UST: variants seen among roughly 807,000 people sequenced by gnomAD.
The protein encoded by UST is uronyl 2-sulfotransferase, also known as chondroitin sulfate 2-O-sulfotransferase.
UST carries 21 observed loss-of-function variants against 45.6 expected under a neutral mutation model. The observed-to-expected ratio is 0.46, with a 90% CI of 0.33 to 0.66. The LOEUF (loss-of-function observed/expected upper bound fraction) is 0.66, where lower values mean the gene tolerates loss of function less well. UST is among the 30% of genes least tolerant of loss of function. The probability of loss-of-function intolerance (pLI) is 0.02; values close to 1 mark genes in which losing one functional copy is unlikely to be tolerated. For synonymous variants in UST, 215 were observed against 200.6 expected, an observed-to-expected ratio of 1.07 and a Z score of -0.61; for missense variants, 463 against 512.4, an observed-to-expected ratio of 0.90 and a Z score of 0.93.
chr6:148,751,112 A>G (rs969920370), intron 1 of UST, among the ~76,000 whole-genome samples: 4 of 152,240 alleles, frequency 2.6e-5, no homozygotes, highest in African/African-American at 9.6e-5. Context: ...TTGAGCAACA[A>G]CAAAGTATTG....
chr6:148,838,354 A>C (rs1206699302), intron 1 of UST, among the ~76,000 whole-genome samples: 1 of 152,172 alleles, frequency 6.6e-6, no homozygotes, highest in East Asian at 1.9e-4. Flanking sequence ...GTCAGAGAGG[A>C]AGTGGGTCCA....
intron 1 of UST, 114 bp downstream of exon 1, chr6:148,747,791 GTC>G (rs2114636352): frequency 3.0e-6 from 4 of 1,342,530 alleles, no homozygotes; most frequent in Non-Finnish European, 3.9e-6. Context: ...GCCGCCCCGG[GTC>G]TCTCCAGGTG....
chr6:148,848,969 C>T (rs1778052289), intron 1 of UST, among the ~76,000 whole-genome samples: 1 of 152,114 alleles, frequency 6.6e-6, no homozygotes, highest in South Asian at 2.1e-4. Flanking sequence ...TGGTACAAGT[C>T]CTAGAGTCCA....
intron 1 of UST, among the ~76,000 whole-genome samples, chr6:148,812,656 G>T (rs956009483): frequency 6.6e-6 from 1 of 152,234 alleles, no homozygotes; most frequent in Non-Finnish European, 1.5e-5. Flanking sequence ...CCCCATAGGG[G>T]TGCTCATGAC....
intron 7 of UST, among the ~76,000 whole-genome samples, chr6:149,042,959 C>CTT (rs1776336997): frequency 2.8e-5 from 1 of 35,676 alleles, no homozygotes; most frequent in Non-Finnish European, 5.9e-5. Context: ...CCATCCTTTT[C>CTT]TTTCTTTCTT....
intron 7 of UST, among the ~76,000 whole-genome samples, chr6:149,063,662 C>T (rs1343821191): frequency 1.3e-5 from 2 of 152,320 alleles, no homozygotes; most frequent in East Asian, 3.9e-4. Context: ...CTGTCTGTCT[C>T]CATCTCACAG....
intron 2 of UST, among the ~76,000 whole-genome samples, chr6:148,892,025 CA>C (rs1262656878): frequency 6.6e-6 from 1 of 152,192 alleles, no homozygotes; most frequent in African/African-American, 2.4e-5. Context: ...GTTCTTTTCA[CA>C]AAATATTATT....
At chr6:148,863,379 A>G (rs974819608) in intron 1 of UST, among the ~76,000 whole-genome samples, 4 of 152,090 alleles carry the variant, frequency 2.6e-5, no homozygotes, top group African/African-American at 9.7e-5. Context: ...TATGCTGTTT[A>G]TTCTAGTTAG....
intron 7 of UST, among the ~76,000 whole-genome samples, chr6:149,033,166 A>ACCCCAGGAATTAATGTGGTGATGTG (rs1554236306): frequency 1.3e-5 from 2 of 152,120 alleles, no homozygotes; most frequent in Non-Finnish European, 2.9e-5. Context: ...GTCCCTGTCC[A>ACCCCAGGAATTAATGTGGTGATGTG]CCCCAGGAAT....
intron 1 of UST, among the ~76,000 whole-genome samples, chr6:148,874,238 T>G (rs1272233984): frequency 6.7e-6 from 1 of 149,722 alleles, no homozygotes; most frequent in Non-Finnish European, 1.5e-5. Context: ...TTATACATAT[T>G]TATATTTCGG....
At chr6:148,829,998 A>G (rs910048450) in intron 1 of UST, among the ~76,000 whole-genome samples, 1 of 152,234 alleles carries the variant, frequency 6.6e-6, no homozygotes, top group Non-Finnish European at 1.5e-5. Context: ...CACTACACTT[A>G]AAAGATGGAT....
At chr6:148,907,381 A>C (rs1779383746) in intron 2 of UST, among the ~76,000 whole-genome samples, 1 of 152,184 alleles carries the variant, frequency 6.6e-6, no homozygotes, top group South Asian at 2.1e-4. Flanking sequence ...ACTTATACTA[A>C]ATGTTACTCC....
chr6:149,056,117 C>CTTTTTTTTT (rs34191810), intron 7 of UST, among the ~76,000 whole-genome samples: 120 of 81,060 alleles, frequency 1.5e-3, no homozygotes, highest in African/African-American at 2.0e-3. Flanking sequence ...CTTTTCTTTT[C>CTTTTTTTTT]TTTTTTTTTT....
intron 2 of UST, among the ~76,000 whole-genome samples, chr6:148,916,868 C>T (rs1779600758): frequency 6.6e-6 from 1 of 152,226 alleles, no homozygotes; most frequent in Non-Finnish European, 1.5e-5. Context: ...TATAGCAAAA[C>T]CCATCCTTGA....
chr6:148,993,235 G>A (rs1196241623), intron 5 of UST: 1 of 221,346 alleles, frequency 4.5e-6, no homozygotes, highest in Non-Finnish European at 7.6e-6. Flanking sequence ...AGTGGCACAG[G>A]TCATCAGCTA....
At chr6:149,029,153 T>G (rs1322083100) in intron 7 of UST, among the ~76,000 whole-genome samples, 1 of 152,030 alleles carries the variant, frequency 6.6e-6, no homozygotes, top group Non-Finnish European at 1.5e-5. Flanking sequence ...ATGAGATTTT[T>G]GGATATGAAA....
chr6:149,049,197 A>T (rs11759315), intron 7 of UST, among the ~76,000 whole-genome samples: 1 of 152,158 alleles, frequency 6.6e-6, no homozygotes, highest in African/African-American at 2.4e-5. Context: ...ACAGGTACAT[A>T]AAAACTATTA....
At chr6:148,911,978 C>G (rs896490370) in intron 2 of UST, among the ~76,000 whole-genome samples, 8 of 152,272 alleles carry the variant, frequency 5.3e-5, no homozygotes, top group African/African-American at 1.9e-4. Flanking sequence ...GGGCAGATCA[C>G]TTGAGGTCAG....
At chr6:149,045,052 G>GTAAC (rs1776378910) in intron 7 of UST, among the ~76,000 whole-genome samples, 1 of 152,214 alleles carries the variant, frequency 6.6e-6, no homozygotes, top group Non-Finnish European at 1.5e-5. Flanking sequence ...TATTAGGGGT[G>GTAAC]TAACTAATAG....
Sources: allele counts gnomAD v4.1 joint callset (sites outside exome capture counted in the v4.1 genomes callset), GRCh38; gene constraint gnomAD v4.1.1; transcripts MANE v1.5; gene names NCBI Gene and HGNC (gene_info 2026-07-23, HGNC 2026-07-21).